The following ATF2 variants were observed in gnomAD, a reference collection of about 807,000 sequenced individuals.
ATF2 encodes the protein activating transcription factor 2.
A neutral mutation model predicts 60.6 loss-of-function variants in ATF2; 24 were observed. The observed-to-expected ratio is 0.40, with a 90% CI of 0.29 to 0.56. The LOEUF is 0.56. ATF2 is among the 20% of genes least tolerant of loss of function. The pLI is 0.54. For missense variants in ATF2, 433 were observed against 607.7 expected, an observed-to-expected ratio of 0.71 and a Z score of 3.02; for synonymous variants, 206 against 215.4, an observed-to-expected ratio of 0.96 and a Z score of 0.38.
chr2:175,093,938 T>C (rs1169047050), intron 11 of ATF2, among the ~76,000 whole-genome samples: 1 of 152,158 alleles, frequency 6.6e-6, no homozygotes, highest in African/African-American at 2.4e-5. Flanking sequence ...TTCCCTCTGC[T>C]CCCCAATGAA....
Position 175,133,103 on chromosome 2 carries a change from T to A in ATF2, c.33-2896A>T, listed in dbSNP as rs561350885. Among the ~76,000 whole-genome samples the A allele has an allele frequency of 4.5e-3, 678 of 149,588 alleles. 7 individuals carry two copies. Among genetic ancestry groups the A allele is most frequent in the African/African-American group, 0.016 (635 of 40,932 alleles). On this transcript the variant is annotated intron_variant, in intron 3 of 13. Coordinates refer to ENST00000264110, the MANE Select transcript of ATF2 (RefSeq NM_001880.4). ...GACTCTGTCTCAAAAAAAAAAAAAA[T>A]AAATAAATAAAATAAATCCCAGTGC...
chr2:175,164,706 ACTATC>A (rs75363905), intron 1 of ATF2, among the ~76,000 whole-genome samples: 6,225 of 152,318 alleles, frequency 0.041, 145 homozygotes, highest in Admixed American at 0.094. Flanking sequence ...ATAGGTGAAT[ACTATC>A]CTACTACTTC....
At chr2:175,133,656 T>C (rs1697911810) in intron 3 of ATF2, among the ~76,000 whole-genome samples, 1 of 152,140 alleles carries the variant, frequency 6.6e-6, no homozygotes, top group Non-Finnish European at 1.5e-5. Context: ...CTTTAAAAAA[T>C]GCCCCATGAA....
chr2:175,093,351 G>A, intron 11 of ATF2, 84 bp from the exon 12 acceptor site: 1 of 1,333,454 alleles, frequency 7.5e-7, no homozygotes, highest in Non-Finnish European at 1.0e-6. Flanking sequence ...CAAAGGGGGA[G>A]AGCAACTGTA....
At chr2:175,103,970 C>G (rs955394762) in intron 10 of ATF2, among the ~76,000 whole-genome samples, 2 of 151,334 alleles carry the variant, frequency 1.3e-5, no homozygotes, top group Non-Finnish European at 2.9e-5. Flanking sequence ...CGGTCCCTAT[C>G]GACATTTAAC....
Position 175,073,853 on chromosome 2 carries a change from T to C in ATF2, c.*756A>G, listed in dbSNP as rs926455966. On this transcript the variant is annotated 3_prime_UTR_variant, in exon 14 of 14. Coordinates refer to ENST00000264110, the MANE Select transcript of ATF2 (RefSeq NM_001880.4). ...CTGTATCATACATTATATAATTTCA[T>C]ATTTTTAGCCTCAAAACATAGGTGT... 41 of 152,314 alleles carry C rather than the reference T, an allele frequency of 2.7e-4. No homozygotes were observed. The highest frequency in any genetic ancestry group is 8.9e-4 in the African/African-American group (37 of 41,584). The allele number at this position is 152,314 out of a possible 1,614,324, so 9.4% of individuals were successfully genotyped here. A position where few individuals can be genotyped will look rare whatever the true frequency, so the allele number is the denominator to read the frequency against.
chr2:175,111,002 C>T lies in ATF2; in HGVS notation c.828+566G>A, dbSNP rs1193098435. 2.0e-5 allele frequency among the ~76,000 whole-genome samples: 3 copies of T among 152,192 alleles called. No homozygotes were observed. The East Asian group carries it at 5.8e-4, about 29-fold the overall frequency. On this transcript the variant is annotated intron_variant, in intron 10 of 13. Coordinates refer to ENST00000264110, the MANE Select transcript of ATF2 (RefSeq NM_001880.4). ...TTAAGAAGTACCCCAGAAACCAAAGCTTAATCTTTTTATTTTACAGATGAG... is the reference window on the plus strand; with the variant it reads ...TTAAGAAGTACCCCAGAAACCAAAGTTTAATCTTTTTATTTTACAGATGAG...
chr2:175,158,209 A>G (rs943410437), intron 1 of ATF2, among the ~76,000 whole-genome samples: 1 of 151,912 alleles, frequency 6.6e-6, no homozygotes, highest in African/African-American at 2.4e-5. Context: ...CTTGCCTCTC[A>G]AGACTAAAGT....
intron 4 of ATF2, among the ~76,000 whole-genome samples, chr2:175,125,464 T>C (rs1332802859): frequency 6.6e-6 from 1 of 152,092 alleles, no homozygotes; most frequent in Non-Finnish European, 1.5e-5. Context: ...TTTAAAAGCA[T>C]CACTATTAGT....
At chr2:175,108,590 C>G (rs1017819839) in intron 10 of ATF2, among the ~76,000 whole-genome samples, 11 of 146,744 alleles carry the variant, frequency 7.5e-5, no homozygotes, top group African/African-American at 2.8e-4. Context: ...CCGACCCGTC[C>G]GGGAGGTGGG....
chr2:175,107,744 T>C (rs1695785823), intron 10 of ATF2, among the ~76,000 whole-genome samples: 1 of 152,228 alleles, frequency 6.6e-6, no homozygotes, highest in African/African-American at 2.4e-5. Flanking sequence ...TTTCGTATTT[T>C]TTTTGGTGGA....
intron 12 of ATF2, among the ~76,000 whole-genome samples, chr2:175,084,203 T>C (rs1003618387): frequency 2.6e-5 from 4 of 152,104 alleles, no homozygotes; most frequent in African/African-American, 9.7e-5. Flanking sequence ...TGTATGTTTA[T>C]TGCAGCACTA....
Position 175,136,483 on chromosome 2 carries a change from A to G in ATF2, c.-40T>C. The stretch of plus-strand genomic sequence containing the variant: ...ATCACATTCTTTTTCTCATGGCAAG[A>G]ATACTGAAAAACAAAGTGGTTTCAC... On this transcript the variant is annotated 5_prime_UTR_variant, in exon 3 of 14. Coordinates refer to ENST00000264110, the MANE Select transcript of ATF2 (RefSeq NM_001880.4). 6.4e-7 allele frequency: 1 copy of G among 1,572,108 alleles called. No individual in the cohort carries two copies. Among genetic ancestry groups the G allele is most frequent in the South Asian group, 1.1e-5 (1 of 87,340 alleles).
chr2:175,141,149 C>A (rs1698511505), intron 2 of ATF2, among the ~76,000 whole-genome samples: 2 of 149,196 alleles, frequency 1.3e-5, no homozygotes, highest in South Asian at 4.3e-4. Flanking sequence ...AACCTTCCTG[C>A]CATAGCTGCA....
chr2:175,103,417 A>C (rs1248918488), intron 10 of ATF2, among the ~76,000 whole-genome samples: 1 of 152,142 alleles, frequency 6.6e-6, no homozygotes, highest in African/African-American at 2.4e-5. Context: ...CCCAGAGAAC[A>C]TATGAAAATC....
intron 11 of ATF2, among the ~76,000 whole-genome samples, chr2:175,093,478 C>CTGCT (rs1221283204): frequency 6.6e-6 from 1 of 152,086 alleles, no homozygotes; most frequent in Non-Finnish European, 1.5e-5. Context: ...ACAATTCTCA[C>CTGCT]TAATGCAATG....
At chr2:175,123,661 C>G (rs942257672) in intron 4 of ATF2, among the ~76,000 whole-genome samples, 7 of 151,942 alleles carry the variant, frequency 4.6e-5, no homozygotes, top group African/African-American at 1.7e-4. Flanking sequence ...AGCAACCTAA[C>G]AAATATTTAG....
At chr2:175,110,806 A>G (rs1696127187) in intron 10 of ATF2, among the ~76,000 whole-genome samples, 1 of 152,084 alleles carries the variant, frequency 6.6e-6, no homozygotes, top group African/African-American at 2.4e-5. Flanking sequence ...GGGTTTCACC[A>G]TGTTGGCCAG....
intron 12 of ATF2, among the ~76,000 whole-genome samples, chr2:175,084,652 A>G: frequency 6.6e-6 from 1 of 152,128 alleles, no homozygotes; most frequent in African/African-American, 2.4e-5. Flanking sequence ...AAAAAAAAAA[A>G]AAAAGTTAAA....
Sources: gnomAD v4.1 joint callset for allele counts (sites outside exome capture counted in the v4.1 genomes callset) on GRCh38, gnomAD v4.1.1 for gene constraint, MANE v1.5 for transcripts, NCBI Gene and HGNC (gene_info 2026-07-23, HGNC 2026-07-21) for gene names.